The following DLGAP2 variants were observed in gnomAD, a reference collection of about 807,000 sequenced individuals.
The protein encoded by DLGAP2 is disks large-associated protein 2.
A neutral mutation model predicts 100.3 loss-of-function variants in DLGAP2; 26 were observed. The ratio of observed to expected loss-of-function variants is 0.26; its 90% CI spans 0.19 to 0.36. The LOEUF (loss-of-function observed/expected upper bound fraction) is 0.36. DLGAP2 is among the 10% of genes least tolerant of loss of function. The probability of loss-of-function intolerance (pLI) is 1.00; values close to 1 mark genes in which losing one functional copy is unlikely to be tolerated. For missense variants in DLGAP2, 1,858 were observed against 1,453.2 expected, an observed-to-expected ratio of 1.28 and a Z score of -4.53; for synonymous variants, 886 against 630.1, an observed-to-expected ratio of 1.41 and a Z score of -6.08.
At chr8:1,409,868 C>T (rs1796680486) in intron 3 of DLGAP2, among the ~76,000 whole-genome samples, 2 of 152,206 alleles carry the variant, frequency 1.3e-5, no homozygotes, top group South Asian at 4.1e-4. Flanking sequence ...GTGCCGGGGC[C>T]TTCGGGCTTA....
chr8:1,097,388 G>A (rs1177052756), intron 2 of DLGAP2, among the ~76,000 whole-genome samples: 11 of 105,810 alleles, frequency 1.0e-4, no homozygotes, highest in South Asian at 3.3e-4. Flanking sequence ...CTGGGAGCCC[G>A]GGGCAGGCCT....
chr8:1,219,163 T>A (rs1231915160), intron 2 of DLGAP2, among the ~76,000 whole-genome samples: 1 of 152,182 alleles, frequency 6.6e-6, no homozygotes, highest in African/African-American at 2.4e-5. Context: ...CTATGTTGAA[T>A]AGAAGTAGTG....
At chr8:1,341,514 G>A (rs1413682814) in intron 3 of DLGAP2, among the ~76,000 whole-genome samples, 1 of 152,170 alleles carries the variant, frequency 6.6e-6, no homozygotes, top group Non-Finnish European at 1.5e-5. Context: ...CTACAGTATG[G>A]GCTGGATGAG....
intron 3 of DLGAP2, among the ~76,000 whole-genome samples, chr8:1,455,217 G>T (rs1798275581): frequency 6.6e-6 from 1 of 152,240 alleles, no homozygotes; most frequent in African/African-American, 2.4e-5. Context: ...AGGTCACAGC[G>T]CTCCACGTGG....
chr8:1,121,229 T>C (rs1563202601), intron 2 of DLGAP2, among the ~76,000 whole-genome samples: 1 of 145,196 alleles, frequency 6.9e-6, no homozygotes, highest in African/African-American at 2.6e-5. Flanking sequence ...CTTGTCCAGT[T>C]AGAACCCATG....
chr8:1,263,139 C>T lies in DLGAP2; in HGVS notation c.106+4256C>T, dbSNP rs569221523. The stretch of plus-strand genomic sequence containing the variant: ...AAAATGCTACAAAAATGTTGGGATA[C>T]GTTGACATGAACGATTCTTTAGCAA... On this transcript the variant is annotated intron_variant, in intron 3 of 14. Coordinates refer to ENST00000637795, the MANE Select transcript of DLGAP2 (RefSeq NM_001346810.2). Among the ~76,000 whole-genome samples the T allele has an allele frequency of 3.2e-4, 49 of 152,174 alleles. 2 individuals carry two copies. Among genetic ancestry groups the T allele is most frequent in the Non-Finnish European group, 3.4e-4 (23 of 68,010 alleles).
chr8:1,445,114 T>A (rs1440552688), intron 3 of DLGAP2, among the ~76,000 whole-genome samples: 1 of 150,988 alleles, frequency 6.6e-6, no homozygotes, highest in Non-Finnish European at 1.5e-5. Context: ...ATACTCTAAG[T>A]TTTAGGGTAC....
At chr8:776,880 G>C (rs1213041416) in intron 1 of DLGAP2, among the ~76,000 whole-genome samples, 1 of 152,172 alleles carries the variant, frequency 6.6e-6, no homozygotes, top group Non-Finnish European at 1.5e-5. Flanking sequence ...TTGTTGCAGA[G>C]CTGAGTTCAA....
At chr8:1,258,439 G>T (rs574449461) in intron 2 of DLGAP2, among the ~76,000 whole-genome samples, 86 of 151,944 alleles carry the variant, frequency 5.7e-4, no homozygotes, top group East Asian at 1.2e-3. Context: ...GTCGGTGGGT[G>T]GGGGGGAAGA....
intron 2 of DLGAP2, among the ~76,000 whole-genome samples, chr8:1,067,803 G>C (rs1035776365): frequency 6.7e-5 from 10 of 150,236 alleles, no homozygotes; most frequent in South Asian, 4.4e-4. Flanking sequence ...AACACGACAC[G>C]TCATCCTCAC....
intron 2 of DLGAP2, among the ~76,000 whole-genome samples, chr8:935,342 GCTC>G (rs1799047206): frequency 6.6e-6 from 1 of 152,180 alleles, no homozygotes; most frequent in African/African-American, 2.4e-5. Context: ...AGGATGCCCG[GCTC>G]CTCAGTCCAG....
intron 13 of DLGAP2, 142 bp from the exon 14 acceptor site, chr8:1,697,005 C>A: frequency 1.1e-6 from 1 of 889,882 alleles, no homozygotes; most frequent in Non-Finnish European, 1.6e-6. Flanking sequence ...CATGGCCTTC[C>A]CAAGTATCTG....
At chr8:1,283,611 G>A (rs1259849452) in intron 3 of DLGAP2, among the ~76,000 whole-genome samples, 1 of 152,238 alleles carries the variant, frequency 6.6e-6, no homozygotes, top group Admixed American at 6.5e-5. Context: ...GAAAGGAACA[G>A]CGATGATGCT....
chr8:1,463,738 C>T (rs984301869), intron 3 of DLGAP2, among the ~76,000 whole-genome samples: 2 of 152,360 alleles, frequency 1.3e-5, no homozygotes, highest in South Asian at 2.1e-4. Flanking sequence ...ATGGTGTGAG[C>T]GGCCCAGGCC....
chr8:1,072,033 G>A (rs564774950), intron 2 of DLGAP2, among the ~76,000 whole-genome samples: 1 of 152,336 alleles, frequency 6.6e-6, no homozygotes, highest in South Asian at 2.1e-4. Flanking sequence ...AGAAATGGCT[G>A]CAGACACCAC....
chr8:1,660,593 C>G (rs905504494), intron 8 of DLGAP2, among the ~76,000 whole-genome samples: 1 of 152,286 alleles, frequency 6.6e-6, no homozygotes, highest in East Asian at 1.9e-4. Flanking sequence ...GTTTCTTTAA[C>G]TTCTACAGTG....
At chr8:1,368,667 C>T (rs1187672970) in intron 3 of DLGAP2, 1 of 152,162 alleles carries the variant, frequency 6.6e-6, no homozygotes, top group Non-Finnish European at 1.5e-5. Flanking sequence ...TGCCGTATAT[C>T]AATTTTTTAT....
intron 2 of DLGAP2, among the ~76,000 whole-genome samples, chr8:1,112,598 T>C (rs1488141304): frequency 6.6e-6 from 1 of 152,208 alleles, no homozygotes; most frequent in African/African-American, 2.4e-5. Flanking sequence ...TTAAGTTCCT[T>C]ATAGATACTG....
intron 3 of DLGAP2, among the ~76,000 whole-genome samples, chr8:1,475,046 A>AGCC (rs1798894204): frequency 6.6e-6 from 1 of 152,236 alleles, no homozygotes. Flanking sequence ...AATACTACGC[A>AGCC]GCCATCAGGA....
Sources: allele counts gnomAD v4.1 joint callset (sites outside exome capture counted in the v4.1 genomes callset), GRCh38; gene constraint gnomAD v4.1.1; transcripts MANE v1.5; gene names NCBI Gene and HGNC (gene_info 2026-07-23, HGNC 2026-07-21).